VPS13D: variants seen among roughly 807,000 people sequenced by gnomAD.
The protein encoded by VPS13D is vacuolar protein sorting 13 homolog D.
A neutral mutation model predicts 461.9 loss-of-function variants in VPS13D; 187 were observed. That is an observed-to-expected ratio of 0.40 (90% CI 0.36 to 0.46). VPS13D has a LOEUF of 0.46. Ranked by LOEUF, VPS13D falls within the 20% of genes least tolerant of loss-of-function variation. The probability of loss-of-function intolerance (pLI) is 0.60; values close to 1 mark genes in which losing one functional copy is unlikely to be tolerated. For missense variants in VPS13D, 4,711 were observed against 5,364.9 expected, an observed-to-expected ratio of 0.88 and a Z score of 3.81; for synonymous variants, 1,951 against 1,986.3, an observed-to-expected ratio of 0.98 and a Z score of 0.47.
At chr1:12,405,200 T>A (rs1644636338) in intron 63 of VPS13D, among the ~76,000 whole-genome samples, 1 of 152,234 alleles carries the variant, frequency 6.6e-6, no homozygotes, top group African/African-American at 2.4e-5. Flanking sequence ...CTCCAGCCGC[T>A]TGCTGTCATG....
rs1641712004 is a variant in VPS13D at position 12,279,427 on chromosome 1, T to A, written c.4451-72T>A. 6.8e-6 allele frequency: 10 copies of A among 1,471,926 alleles called. No homozygotes were observed. In the East Asian group the frequency reaches 2.3e-4, roughly 34 times the overall value. The allele number at this position is 1,471,926 out of a possible 1,614,324, so 91.2% of individuals were successfully genotyped here. A position where few individuals can be genotyped will look rare whatever the true frequency, so the allele number is the denominator to read the frequency against. ...AACTCATGGGCTGTATTTTGTATAT[T>A]CTACGTTTAATCAGCAGTAATGAAG... On this transcript the variant is annotated intron_variant, in intron 19 of 69. Coordinates refer to ENST00000620676, the MANE Select transcript of VPS13D (RefSeq NM_015378.4). This position sits in a 1 kb window ranked among gnomAD's most constrained non-coding sequence, Gnocchi z 4.3.
intron 60 of VPS13D, among the ~76,000 whole-genome samples, chr1:12,399,487 G>T (rs558820991): frequency 6.6e-6 from 1 of 152,002 alleles, no homozygotes; most frequent in Non-Finnish European, 1.5e-5. Flanking sequence ...GAGCCACTGC[G>T]CCTGGCCAGT....
At chr1:12,317,018 T>G (rs1182962481) in intron 30 of VPS13D, among the ~76,000 whole-genome samples, 1 of 98,638 alleles carries the variant, frequency 1.0e-5, no homozygotes, top group Admixed American at 1.4e-4. Context: ...ACCCCAACTC[T>G]ACCTCTAGGT....
chr1:12,435,672 C>T (rs956989270), intron 65 of VPS13D, among the ~76,000 whole-genome samples: 1 of 151,588 alleles, frequency 6.6e-6, no homozygotes, highest in Non-Finnish European at 1.5e-5. Flanking sequence ...TTCTCTGATT[C>T]AGAGCCCGTC....
At position 12,387,617 on chromosome 1, in the gene VPS13D, C is replaced by T. The variant is rs569583147; in HGVS notation, c.11634+1283C>T. 4.2e-4 allele frequency among the ~76,000 whole-genome samples: 63 copies of T among 151,796 alleles called. 1 individual carries two copies. In the South Asian group the frequency reaches 0.011, roughly 28 times the overall value. ...CACAGATGTTAGAATTTTTGGAGGACGTTAAAACTGTTAATGTAACTGTAT... is the reference window on the plus strand; with the variant it reads ...CACAGATGTTAGAATTTTTGGAGGATGTTAAAACTGTTAATGTAACTGTAT... On this transcript the variant is annotated intron_variant, in intron 60 of 69. Coordinates refer to ENST00000620676, the MANE Select transcript of VPS13D (RefSeq NM_015378.4).
chr1:12,379,500 G>T lies in VPS13D; in HGVS notation c.11094G>T (p.Leu3698=). ...AAVTDNRYEP[L]MLRKPDRRRS... The stretch of plus-strand genomic sequence containing the variant: ...TTCCGTTTTCCAGATACGAGCCACT[G>T]ATGCTGAGAAAGCCTGACCGCAGGC... Residue 3698 remains leucine (L), a synonymous_variant, in exon 57 of 70, where the codon CTG becomes CTT. Coordinates refer to ENST00000620676, the MANE Select transcript of VPS13D (RefSeq NM_015378.4). 6.2e-7 allele frequency: 1 copy of T among 1,612,898 alleles called. No homozygotes were observed. The highest frequency in any genetic ancestry group is 8.5e-7 in the Non-Finnish European group (1 of 1,179,468).
intron 13 of VPS13D, among the ~76,000 whole-genome samples, chr1:12,263,103 TA>T (rs1641163998): frequency 6.6e-6 from 1 of 152,224 alleles, no homozygotes; most frequent in Non-Finnish European, 1.5e-5. Flanking sequence ...TCATGGCCTA[TA>T]GCACTATACC....
At chr1:12,404,349 A>G (rs1043534452) in intron 63 of VPS13D, among the ~76,000 whole-genome samples, 2 of 152,134 alleles carry the variant, frequency 1.3e-5, no homozygotes, top group African/African-American at 4.8e-5. Flanking sequence ...CAGTCAAGAC[A>G]GCATCTTCTT....
At chr1:12,379,733 A>T in intron 57 of VPS13D, 137 bp downstream of exon 57, 1 of 554,988 alleles carries the variant, frequency 1.8e-6, no homozygotes, top group Non-Finnish European at 3.1e-6. Context: ...ATTCCATTTT[A>T]GTTAAAAGGA....
intron 24 of VPS13D, among the ~76,000 whole-genome samples, chr1:12,296,012 T>C (rs897380362): frequency 1.3e-5 from 2 of 152,260 alleles, no homozygotes; most frequent in African/African-American, 4.8e-5. Context: ...TAAGATTCAT[T>C]CATATTGTTA....
intron 67 of VPS13D, among the ~76,000 whole-genome samples, chr1:12,484,373 T>C (rs1292355629): frequency 6.6e-6 from 1 of 152,062 alleles, no homozygotes; most frequent in African/African-American, 2.4e-5. Flanking sequence ...CCCAATTGGA[T>C]TGTGAGTTTG....
chr1:12,485,254 G>A (rs914754316), intron 67 of VPS13D, among the ~76,000 whole-genome samples: 2 of 152,232 alleles, frequency 1.3e-5, no homozygotes, highest in African/African-American at 4.8e-5. Context: ...TGTGAAGAGG[G>A]TTCTGAGCGG....
chr1:12,346,951 C>A (rs913988592), intron 44 of VPS13D, among the ~76,000 whole-genome samples: 1 of 152,164 alleles, frequency 6.6e-6, no homozygotes, highest in Non-Finnish European at 1.5e-5. Flanking sequence ...CTGGTATGAC[C>A]ATATGTGTTT....
rs764113540 is a variant in VPS13D at position 12,277,790 on chromosome 1, A to G, written c.4202A>G (p.His1401Arg). Residue 1401 changes from histidine (H) to arginine (R), a missense_variant, in exon 19 of 70, where the codon CAC becomes CGC. Coordinates refer to ENST00000620676, the MANE Select transcript of VPS13D (RefSeq NM_015378.4). ...GGGAGTCCTGAGTTGTTGGTGGGAC[A>G]CTTGGGACAGATATTCATCCAGAAT... ...KPGSPELLVG[H>R]LGQIFIQNFV... The G allele has an allele frequency of 3.1e-6, 5 of 1,614,216 alleles. No individual in the cohort carries two copies. Among genetic ancestry groups the G allele is most frequent in the Non-Finnish European group, 4.2e-6 (5 of 1,180,026 alleles).
rs1427200602 is a variant in VPS13D at position 12,416,812 on chromosome 1, A to C, written c.12318A>C (p.Ser4106=). The part of the protein sequence containing the change: ...GLIRNVTHGV[S]NSAAKFAGTL... ...TCAGAAATGTTACACACGGAGTATC[A>C]AACTCTGCTGCCAAGGTAAGGAAAT... The change falls in exon 65 of 70, where the codon TCA becomes TCC. Residue 4106 remains serine (S), a synonymous_variant. Transcript: ENST00000620676. 6 of 1,612,290 alleles carry C rather than the reference A, an allele frequency of 3.7e-6. No individual in the cohort carries two copies. The East Asian group carries it at 1.1e-4, about 30-fold the overall frequency.
intron 55 of VPS13D, among the ~76,000 whole-genome samples, chr1:12,376,655 T>G (rs1644202956): frequency 6.6e-6 from 1 of 152,252 alleles, no homozygotes; most frequent in Non-Finnish European, 1.5e-5. Context: ...GACTCCAATG[T>G]TCATGCTACT....
chr1:12,393,260 G>A (rs1644451465), intron 60 of VPS13D, among the ~76,000 whole-genome samples: 1 of 152,234 alleles, frequency 6.6e-6, no homozygotes, highest in South Asian at 2.1e-4. Context: ...GTGATATTTT[G>A]CGGAAGCAAA....
Position 12,502,906 on chromosome 1 carries a change from C to T in VPS13D, c.12795-3947C>T, listed in dbSNP as rs1646053765. 6.6e-6 allele frequency among the ~76,000 whole-genome samples: 1 copy of T among 152,158 alleles called. No individual in the cohort carries two copies. The highest frequency in any genetic ancestry group is 1.5e-5 in the Non-Finnish European group (1 of 68,044). ...TCTGTGTGGGGCACGTAGATTAGCT[C>T]ACACCATCACAGTGGCCCTGCAGAG... On this transcript the variant is annotated intron_variant, in intron 68 of 69. Transcript: ENST00000620676. This position sits in a 1 kb window ranked among gnomAD's most constrained non-coding sequence, Gnocchi z 4.3.
At position 12,261,165 on chromosome 1, in the gene VPS13D, G is replaced by C. The variant is rs1345470706; in HGVS notation, c.1414+16G>C. 2 of 1,613,128 alleles carry C rather than the reference G, an allele frequency of 1.2e-6. No homozygotes were observed. The highest frequency in any genetic ancestry group is 1.1e-5 in the South Asian group (1 of 90,988). ...GAGATCCTGGGTACGGTGGGAGCTG[G>C]CCTTCACTTGATTCAAACAAATTCG... On this transcript the variant is annotated intron_variant, in intron 12 of 69. Transcript: ENST00000620676.
Sources: allele counts gnomAD v4.1 joint callset (sites outside exome capture counted in the v4.1 genomes callset), GRCh38; gene constraint gnomAD v4.1.1; non-coding constraint Gnocchi (gnomAD v3.1); transcripts MANE v1.5; gene names NCBI Gene and HGNC (gene_info 2026-07-23, HGNC 2026-07-21).